Variants in COL25A1 observed in about 807,000 individuals in gnomAD.
The protein encoded by COL25A1 is collagen type XXV alpha 1 chain.
In COL25A1, 103 loss-of-function variants were observed where a neutral mutation model predicts 128.4. The ratio of observed to expected loss-of-function variants is 0.80; its 90% CI spans 0.68 to 0.94. The LOEUF is 0.94. Ranked by LOEUF, COL25A1 falls within the 40% of genes least tolerant of loss-of-function variation. The pLI is 0.00. For missense variants in COL25A1, 745 were observed against 840.0 expected (o/e 0.89, Z 1.40); for synonymous variants, 279 against 277.2 (o/e 1.01, Z -0.06).
intron 3 of COL25A1, among the ~76,000 whole-genome samples, chr4:109,215,776 C>T (rs900173436): frequency 6.6e-6 from 1 of 152,086 alleles, no homozygotes; most frequent in Admixed American, 6.6e-5. Flanking sequence ...ACACAGCTCC[C>T]GTCACCCAGT....
intron 3 of COL25A1, among the ~76,000 whole-genome samples, chr4:109,279,078 C>T (rs1479316620): frequency 6.6e-6 from 1 of 150,914 alleles, no homozygotes; most frequent in Non-Finnish European, 1.5e-5. Flanking sequence ...AATTCTATCA[C>T]ACTGGAGATT....
intron 24 of COL25A1, 146 bp downstream of exon 24, chr4:108,859,510 G>T: frequency 1.8e-6 from 1 of 548,874 alleles, no homozygotes; most frequent in Non-Finnish European, 3.3e-6. Flanking sequence ...AGAAGGGGAT[G>T]AGTTCTTGAG....
At chr4:108,920,675 T>A in intron 11 of COL25A1, 71 bp from the exon 12 acceptor site, 1 of 1,079,752 alleles carries the variant, frequency 9.3e-7, no homozygotes, top group Non-Finnish European at 1.4e-6. Flanking sequence ...ATTTAAACTG[T>A]CCTATTCTCT....
At chr4:109,237,112 C>T (rs1156572480) in intron 3 of COL25A1, among the ~76,000 whole-genome samples, 1 of 151,952 alleles carries the variant, frequency 6.6e-6, no homozygotes, top group Non-Finnish European at 1.5e-5. Context: ...CACTTATTTA[C>T]AAGAGATAGC....
chr4:109,062,246 T>C (rs1269323511), intron 3 of COL25A1, among the ~76,000 whole-genome samples: 4 of 152,154 alleles, frequency 2.6e-5, no homozygotes, highest in Non-Finnish European at 2.9e-5. Context: ...GAGCTAACTA[T>C]CAGAGGTGAA....
intron 3 of COL25A1, among the ~76,000 whole-genome samples, chr4:109,117,150 T>A (rs1360527071): frequency 3.3e-5 from 5 of 151,686 alleles, no homozygotes; most frequent in Admixed American, 3.3e-4. Context: ...AAACCACACA[T>A]GAATACCAAG....
At chr4:109,136,420 C>A (rs1314895221) in intron 3 of COL25A1, among the ~76,000 whole-genome samples, 1 of 152,016 alleles carries the variant, frequency 6.6e-6, no homozygotes, top group Non-Finnish European at 1.5e-5. Context: ...TAATAATAAT[C>A]TTAAAGACCA....
chr4:109,016,351 G>A (rs1757216941), intron 5 of COL25A1, among the ~76,000 whole-genome samples: 2 of 152,382 alleles, frequency 1.3e-5, no homozygotes, highest in Non-Finnish European at 2.9e-5. Context: ...GGGCAGCGCA[G>A]TGCAGGCCTG....
chr4:108,850,829 A>C (rs1319020267), intron 26 of COL25A1, among the ~76,000 whole-genome samples: 6 of 152,240 alleles, frequency 3.9e-5, no homozygotes, highest in Middle Eastern at 3.4e-3. Flanking sequence ...TTATAAAACC[A>C]GGGGAATATA....
chr4:109,211,900 T>C (rs1578453068), intron 3 of COL25A1, among the ~76,000 whole-genome samples: 1 of 152,152 alleles, frequency 6.6e-6, no homozygotes, highest in Non-Finnish European at 1.5e-5. Context: ...AAGAATGCTA[T>C]AGCAGGAGAA....
Position 108,852,212 on chromosome 4 carries a change from G to A in COL25A1, c.1389+24C>T, listed in dbSNP as rs376947226. The A allele has an allele frequency of 3.2e-4, 507 of 1,587,792 alleles. 5 individuals are homozygous for A. The highest frequency in any genetic ancestry group is 2.8e-3 in the South Asian group (250 of 89,666). On this transcript the variant is annotated intron_variant, in intron 26 of 37. Transcript: ENST00000399132. Reference sequence around the variant, plus strand: ...ATTCCCTGCACTGTATGTGATAAATGGAAACAAGTAAATAAAGAATAACCT... The same window carrying A: ...ATTCCCTGCACTGTATGTGATAAATAGAAACAAGTAAATAAAGAATAACCT...
intron 3 of COL25A1, among the ~76,000 whole-genome samples, chr4:109,130,891 T>C (rs190678165): frequency 2.0e-5 from 3 of 152,334 alleles, no homozygotes; most frequent in Admixed American, 1.3e-4. Flanking sequence ...CATTTGTTTA[T>C]AATTCATATA....
intron 3 of COL25A1, among the ~76,000 whole-genome samples, chr4:109,203,452 C>G (rs1395764758): frequency 6.6e-6 from 1 of 151,812 alleles, no homozygotes. Context: ...GAGCCTCCCC[C>G]AAAGAAGAAG....
intron 6 of COL25A1, among the ~76,000 whole-genome samples, chr4:109,001,389 G>GTCAGGTAGGCATCTGAGATCCTT: frequency 6.6e-6 from 1 of 152,184 alleles, no homozygotes; most frequent in Non-Finnish European, 1.5e-5. Flanking sequence ...CTGAGATCCT[G>GTCAGGTAGGCATCTGAGATCCTT]TCAGGTAGGC....
chr4:109,252,490 C>A (rs1351090587), intron 3 of COL25A1, among the ~76,000 whole-genome samples: 1 of 152,192 alleles, frequency 6.6e-6, no homozygotes, highest in African/African-American at 2.4e-5. Context: ...AAAAATGTCA[C>A]CCTACCTACT....
intron 3 of COL25A1, among the ~76,000 whole-genome samples, chr4:109,157,858 C>T (rs548715320): frequency 4.5e-4 from 69 of 152,280 alleles, no homozygotes; most frequent in Admixed American, 2.7e-3. Context: ...TCCATACAGC[C>T]GCTGCTGCAG....
At chr4:108,927,482 G>GA (rs1270804360) in intron 11 of COL25A1, among the ~76,000 whole-genome samples, 1 of 79,958 alleles carries the variant, frequency 1.3e-5, no homozygotes, top group Non-Finnish European at 2.9e-5. Flanking sequence ...TCTATCACTG[G>GA]AAAGAGTTCC....
At chr4:109,038,487 T>C (rs1278576569) in intron 5 of COL25A1, among the ~76,000 whole-genome samples, 1 of 152,170 alleles carries the variant, frequency 6.6e-6, no homozygotes, top group Non-Finnish European at 1.5e-5. Context: ...GTTCTGTTTC[T>C]CTGGAGCACC....
chr4:109,287,449 G>C (rs556502219), intron 3 of COL25A1, among the ~76,000 whole-genome samples: 1 of 152,244 alleles, frequency 6.6e-6, no homozygotes, highest in East Asian at 1.9e-4. Flanking sequence ...GAGTCGACTG[G>C]CATTAGGTAA....
Sources: gnomAD v4.1 joint callset for allele counts (sites outside exome capture counted in the v4.1 genomes callset) on GRCh38, gnomAD v4.1.1 for gene constraint, MANE v1.5 for transcripts, NCBI Gene and HGNC (gene_info 2026-07-23, HGNC 2026-07-21) for gene names.